GPC4: variants seen among roughly 807,000 people sequenced by gnomAD.
The protein encoded by GPC4 is glypican 4.
In GPC4, 10 loss-of-function variants were observed where a neutral mutation model predicts 35.0. That is an observed-to-expected ratio of 0.29 (90% CI 0.18 to 0.48). GPC4 has a LOEUF of 0.48. GPC4 is among the 20% of genes least tolerant of loss of function. The pLI is 0.99. For synonymous variants in GPC4, 167 were observed against 170.2 expected (o/e 0.98, Z 0.15); for missense variants, 322 against 451.3 (o/e 0.71, Z 2.60).
chrX:133,378,052 AC>A (rs747144500), intron 1 of GPC4, among the ~76,000 whole-genome samples: 1 of 107,971 alleles, frequency 9.3e-6, no homozygotes, highest in African/African-American at 3.4e-5. Flanking sequence ...GCACCACCAC[AC>A]CCAGCTAATT....
chrX:133,344,190 G>GTTTTTTTTTTTT (rs2068479779), intron 1 of GPC4, among the ~76,000 whole-genome samples: 1 of 39,353 alleles, frequency 2.5e-5, no homozygotes, highest in South Asian at 1.0e-3. Flanking sequence ...CTTTCTTTCT[G>GTTTTTTTTTTTT]GTTTTTTTTT....
chrX:133,378,210 A>G (rs1204364445), intron 1 of GPC4, among the ~76,000 whole-genome samples: 3 of 111,385 alleles, frequency 2.7e-5, no homozygotes, highest in Non-Finnish European at 5.7e-5. Context: ...TAGTGTATTC[A>G]AAGTTGAACC....
At chrX:133,326,009 A>G (rs1310378378) in intron 2 of GPC4, among the ~76,000 whole-genome samples, 1 of 96,715 alleles carries the variant, frequency 1.0e-5, no homozygotes, top group East Asian at 3.4e-4. Context: ...CAAACATTGT[A>G]GGTATGGCTT....
intron 1 of GPC4, among the ~76,000 whole-genome samples, chrX:133,406,194 G>T (rs2068786343): frequency 8.9e-6 from 1 of 112,424 alleles, no homozygotes; most frequent in Admixed American, 9.4e-5. Context: ...CAGCAAGGCT[G>T]GATTCTGTTC....
chrX:133,306,534 T>A (rs2068291909), intron 4 of GPC4, among the ~76,000 whole-genome samples: 1 of 111,664 alleles, frequency 9.0e-6, no homozygotes. Flanking sequence ...TCCCAGAGAC[T>A]TCCCTAGGAT....
intron 1 of GPC4, 67 bp from the exon 2 acceptor site, chrX:133,339,408 G>C (rs2068457194): frequency 9.6e-7 from 1 of 1,042,443 alleles, no homozygotes; most frequent in Admixed American, 2.5e-5. Context: ...GGAAAGGTTT[G>C]ATTTAGGTTC....
At chrX:133,307,503 T>C (rs944070921) in intron 4 of GPC4, among the ~76,000 whole-genome samples, 4 of 112,055 alleles carry the variant, frequency 3.6e-5, no homozygotes, top group Non-Finnish European at 7.5e-5. Context: ...TCAGAATGCA[T>C]TGTGGTAAGC....
intron 4 of GPC4, among the ~76,000 whole-genome samples, chrX:133,307,604 T>A (rs1258612498): frequency 2.7e-5 from 3 of 111,901 alleles, no homozygotes; most frequent in Non-Finnish European, 5.6e-5. Context: ...GCTTTTGATG[T>A]GCTAGCAAAA....
Position 133,399,088 on chromosome X carries a change from A to G in GPC4, c.160+15718T>C, listed in dbSNP as rs184360049. Reference sequence around the variant, plus strand: ...AAGGAATCTTGTCACCAATTGACAGATGCATTCCATCCATATTTTGCTAAA... The same window carrying G: ...AAGGAATCTTGTCACCAATTGACAGGTGCATTCCATCCATATTTTGCTAAA... On this transcript the variant is annotated intron_variant, in intron 1 of 8. Coordinates refer to ENST00000370828, the MANE Select transcript of GPC4 (RefSeq NM_001448.3). 1.3e-3 allele frequency among the ~76,000 whole-genome samples: 145 copies of G among 111,861 alleles called. 1 individual carries two copies. The highest frequency in any genetic ancestry group is 2.0e-3 in the Non-Finnish European group (106 of 53,217).
intron 2 of GPC4, among the ~76,000 whole-genome samples, chrX:133,328,071 C>G (rs188345293): frequency 1.3e-3 from 148 of 110,911 alleles, no homozygotes; most frequent in South Asian, 2.7e-3. Context: ...TCCAATTCAC[C>G]TTTACCATAC....
At chrX:133,381,465 C>A (rs2068660469) in intron 1 of GPC4, among the ~76,000 whole-genome samples, 1 of 111,580 alleles carries the variant, frequency 9.0e-6, no homozygotes. Flanking sequence ...TCCACCAGCT[C>A]CCTCAGTCCA....
intron 1 of GPC4, among the ~76,000 whole-genome samples, chrX:133,356,387 G>C (rs1256506519): frequency 1.8e-5 from 2 of 111,212 alleles, no homozygotes; most frequent in African/African-American, 6.6e-5. Context: ...TGGGATTACA[G>C]ACACCTGCCA....
chrX:133,327,493 T>C (rs760776929), intron 2 of GPC4, among the ~76,000 whole-genome samples: 4 of 111,133 alleles, frequency 3.6e-5, no homozygotes, highest in Non-Finnish European at 7.5e-5. Flanking sequence ...TATGGGTGGA[T>C]GCAGCCATAT....
chrX:133,401,178 T>G (rs957695118), intron 1 of GPC4, among the ~76,000 whole-genome samples: 1 of 111,641 alleles, frequency 9.0e-6, no homozygotes, highest in Non-Finnish European at 1.9e-5. Context: ...CCTCGTGGGC[T>G]GGCACAGGAG....
Position 133,397,972 on chromosome X carries a change from G to A in GPC4, c.160+16834C>T, listed in dbSNP as rs187398287. On this transcript the variant is annotated intron_variant, in intron 1 of 8. Transcript: ENST00000370828. ...CCAGCTACTTGGGAGGCTGAGGCAG[G>A]AGAATCACTTGAACCCAGGATGCAC... Among the ~76,000 whole-genome samples, 4 of 111,678 alleles carry A rather than the reference G, an allele frequency of 3.6e-5. No individual in the cohort carries two copies. In the East Asian group the frequency reaches 1.1e-3, roughly 32 times the overall value.
intron 1 of GPC4, among the ~76,000 whole-genome samples, chrX:133,344,616 C>T (rs1002912756): frequency 1.8e-5 from 2 of 111,426 alleles, no homozygotes; most frequent in Non-Finnish European, 3.8e-5. Flanking sequence ...AGTGTCTCTC[C>T]AATTCTCCCC....
At chrX:133,318,083 T>C (rs1446794889) in intron 3 of GPC4, among the ~76,000 whole-genome samples, 3 of 111,688 alleles carry the variant, frequency 2.7e-5, no homozygotes, top group African/African-American at 6.5e-5. Context: ...TTTTGTTTTG[T>C]GAGTATGTAA....
chrX:133,305,073 G>A (rs2068284886), intron 6 of GPC4, among the ~76,000 whole-genome samples: 1 of 111,933 alleles, frequency 8.9e-6, no homozygotes, highest in South Asian at 3.8e-4. Context: ...CCAAAGGAGT[G>A]GCCTAGACCC....
chrX:133,410,808 C>T (rs758445199), intron 1 of GPC4, among the ~76,000 whole-genome samples: 88 of 112,501 alleles, frequency 7.8e-4, no homozygotes, highest in Non-Finnish European at 1.4e-3. Flanking sequence ...TAAGCCAGAA[C>T]TTTAACTAAA....
Sources: allele counts gnomAD v4.1 joint callset (sites outside exome capture counted in the v4.1 genomes callset), GRCh38; gene constraint gnomAD v4.1.1; transcripts MANE v1.5; gene names NCBI Gene and HGNC (gene_info 2026-07-23, HGNC 2026-07-21).